EML6: variants seen among roughly 807,000 people sequenced by gnomAD.
The protein encoded by EML6 is EMAP like 6.
A neutral mutation model predicts 240.1 loss-of-function variants in EML6; 154 were observed. The observed-to-expected ratio is 0.64, with a 90% CI of 0.56 to 0.73. The LOEUF is 0.73. EML6 is among the 30% of genes least tolerant of loss of function. The pLI is 0.00. For missense variants in EML6, 2,964 were observed against 2,474.6 expected (o/e 1.20, Z -4.20); for synonymous variants, 1,148 against 899.0 (o/e 1.28, Z -4.95).
At chr2:54,951,065 G>C (rs1393518423) in intron 30 of EML6, among the ~76,000 whole-genome samples, 1 of 152,196 alleles carries the variant, frequency 6.6e-6, no homozygotes, top group Non-Finnish European at 1.5e-5. Context: ...AGAAAAGCAA[G>C]AGACAGGGTG....
In EML6 at chr2:54,934,390, A is replaced by C. The variant is rs143482741; in HGVS notation, c.4004+5639A>C. Among the ~76,000 whole-genome samples, 860 of 152,186 alleles carry C rather than the reference A, an allele frequency of 5.7e-3. 2 individuals carry two copies. The highest frequency in any genetic ancestry group is 7.8e-3 in the Non-Finnish European group (528 of 68,004). On this transcript the variant is annotated intron_variant, in intron 28 of 41. Transcript: ENST00000356458. ...CTCAGGGCTTGGCTGCTCCACAGGC[A>C]CGCATAAGCTGTCACTTTGCTTGAG...
chr2:54,895,400 G>T lies in EML6; in HGVS notation c.2982G>T (p.Gln994His). 6.4e-7 allele frequency: 1 copy of T among 1,551,782 alleles called. No individual in the cohort carries two copies. Among genetic ancestry groups the T allele is most frequent in the Non-Finnish European group, 8.7e-7 (1 of 1,146,882 alleles). The change falls in exon 21 of 42, where the codon CAG becomes CAT. Residue 994 changes from glutamine (Q) to histidine (H), a missense_variant and splice_region_variant. Transcript: ENST00000356458. ...GTGGCCCAATGACACTGCTTGTTCA[G>T]GTACTGTTTGTATGTATTCTAAACT... ...DKSGPMTLLV[Q>H]GHMEGEVWGL...
intron 28 of EML6, among the ~76,000 whole-genome samples, chr2:54,933,018 C>G (rs1490302664): frequency 6.6e-6 from 1 of 152,154 alleles, no homozygotes; most frequent in African/African-American, 2.4e-5. Flanking sequence ...TAAGAGAACT[C>G]AAATCTTGCT....
At chr2:54,938,941 C>G (rs759677628) in intron 28 of EML6, among the ~76,000 whole-genome samples, 34 of 152,164 alleles carry the variant, frequency 2.2e-4, no homozygotes, top group Non-Finnish European at 4.1e-4. Context: ...TGCTGTTGAC[C>G]TGATCAGGGT....
chr2:54,926,578 C>T (rs1674558175), intron 26 of EML6, among the ~76,000 whole-genome samples: 1 of 152,240 alleles, frequency 6.6e-6, no homozygotes, highest in African/African-American at 2.4e-5. Flanking sequence ...GTAGGCCCTG[C>T]CGGGAACCAC....
Position 54,964,126 on chromosome 2 carries a change from A to T in EML6, c.5298A>T (p.Lys1766Asn), listed in dbSNP as rs764407530. Residue 1766 changes from lysine (K) to asparagine (N), a missense_variant, in exon 37 of 42, where the codon AAA (lysine) becomes AAT (asparagine). Physicochemically the swap from Lys to Asn is moderately conservative, Grantham distance 94. Transcript: ENST00000356458. ...LVNSLKVWGKKRDRKSAIQDI... is the reference protein window; with the variant it reads ...LVNSLKVWGKNRDRKSAIQDI... ...ACAGCCTGAAAGTTTGGGGGAAAAA[A>T]CGAGACCGGAAATCTGCTATCCAAG... is the stretch of plus-strand genomic sequence containing the variant. 1.3e-6 allele frequency: 2 copies of T among 1,551,692 alleles called. No individual in the cohort carries two copies. The highest frequency in any genetic ancestry group is 2.7e-5 in the African/African-American group (2 of 73,160).
chr2:54,785,365 G>A (rs887868745), intron 2 of EML6, among the ~76,000 whole-genome samples: 23 of 151,804 alleles, frequency 1.5e-4, no homozygotes, highest in African/African-American at 5.3e-4. Flanking sequence ...TAGTAGAGAC[G>A]GGGTTTCACC....
intron 26 of EML6, among the ~76,000 whole-genome samples, chr2:54,928,003 C>G (rs1184380066): frequency 6.6e-6 from 1 of 152,170 alleles, no homozygotes; most frequent in Admixed American, 6.5e-5. Context: ...CCTGTGGAGG[C>G]AGCACATTTG....
intron 16 of EML6, among the ~76,000 whole-genome samples, chr2:54,878,950 A>G (rs1671668747): frequency 6.6e-6 from 1 of 152,240 alleles, no homozygotes; most frequent in African/African-American, 2.4e-5. Flanking sequence ...CATATTTTCT[A>G]AATTTCCTAT....
chr2:54,892,952 G>A lies in EML6; in HGVS notation c.2742+296G>A, dbSNP rs72923863. On this transcript the variant is annotated intron_variant, in intron 19 of 41. Transcript: ENST00000356458. ...CCAGGATAAATGTGGACACTTAGCA[G>A]CAGAAGAGTCCTGAGAAATACTTCA... Among the ~76,000 whole-genome samples the A allele has an allele frequency of 3.7e-3, 569 of 152,322 alleles. 3 individuals are homozygous for A. Among genetic ancestry groups the A allele is most frequent in the African/African-American group, 0.013 (545 of 41,562 alleles).
At chr2:54,779,767 T>C (rs1251332985) in intron 2 of EML6, among the ~76,000 whole-genome samples, 6 of 140,674 alleles carry the variant, frequency 4.3e-5, no homozygotes, top group Non-Finnish European at 9.2e-5. Context: ...AAGGCTGAAG[T>C]GGGAGGATGG....
intron 2 of EML6, among the ~76,000 whole-genome samples, chr2:54,775,691 G>A (rs1468261840): frequency 6.6e-5 from 10 of 152,194 alleles, no homozygotes; most frequent in Non-Finnish European, 1.3e-4. Context: ...CCCCAGGAGA[G>A]TGCCTGGCTT....
chr2:54,894,306 T>C (rs1031663347), intron 19 of EML6, among the ~76,000 whole-genome samples: 3 of 152,010 alleles, frequency 2.0e-5, no homozygotes, highest in Admixed American at 2.0e-4. Flanking sequence ...GGAATAAAGA[T>C]CACTGTTCAG....
chr2:54,920,128 A>C (rs546111168), intron 26 of EML6, among the ~76,000 whole-genome samples: 1 of 152,282 alleles, frequency 6.6e-6, no homozygotes, highest in Non-Finnish European at 1.5e-5. Flanking sequence ...TAGGAAAAGA[A>C]GACCAAACTA....
intron 11 of EML6, among the ~76,000 whole-genome samples, chr2:54,854,672 G>C (rs987357401): frequency 6.6e-6 from 1 of 152,226 alleles, no homozygotes; most frequent in Non-Finnish European, 1.5e-5. Context: ...GTCATTTTCA[G>C]CTAACTGGCA....
At chr2:54,860,775 G>C (rs1670632150) in intron 12 of EML6, among the ~76,000 whole-genome samples, 1 of 152,168 alleles carries the variant, frequency 6.6e-6, no homozygotes, top group African/African-American at 2.4e-5. Context: ...CTTCTCTTAG[G>C]AGTGGTGACG....
intron 2 of EML6, among the ~76,000 whole-genome samples, chr2:54,783,079 A>G (rs1174022674): frequency 6.6e-6 from 1 of 152,210 alleles, no homozygotes; most frequent in South Asian, 2.1e-4. Flanking sequence ...TAATATAGGT[A>G]TGTATGCGTG....
intron 11 of EML6, 117 bp from the exon 12 acceptor site, chr2:54,859,417 A>G (rs1670558217): frequency 2.6e-6 from 2 of 772,150 alleles, no homozygotes; most frequent in East Asian, 5.5e-5. Flanking sequence ...AAGACGGAAC[A>G]TCGTTTTCAG....
In EML6 at chr2:54,752,852, G is replaced by A. The variant is rs531046413; in HGVS notation, c.197+27594G>A. On this transcript the variant is annotated intron_variant, in intron 2 of 41. Transcript: ENST00000356458. Reference sequence around the variant, plus strand: ...CACCCAGGCTGGAGTGCAGTGGCACGATCACGGCTTACTGCAACCTCTGCC... The same window carrying A: ...CACCCAGGCTGGAGTGCAGTGGCACAATCACGGCTTACTGCAACCTCTGCC... Among the ~76,000 whole-genome samples the A allele has an allele frequency of 2.0e-4, 31 of 152,172 alleles. No individual in the cohort carries two copies. The South Asian group carries it at 6.0e-3, about 29-fold the overall frequency.
Sources: gnomAD v4.1 joint callset for allele counts (sites outside exome capture counted in the v4.1 genomes callset) on GRCh38, gnomAD v4.1.1 for gene constraint, MANE v1.5 for transcripts, NCBI Gene and HGNC (gene_info 2026-07-23, HGNC 2026-07-21) for gene names.